Variants in GPC6 observed in about 807,000 individuals in gnomAD.
GPC6 encodes glypican-6.
GPC6 carries 14 observed loss-of-function variants against 55.2 expected under a neutral mutation model. The ratio of observed to expected loss-of-function variants is 0.25; its 90% CI spans 0.17 to 0.40. The LOEUF (loss-of-function observed/expected upper bound fraction) is 0.40, where lower values mean the gene tolerates loss of function less well. Ranked by LOEUF, GPC6 falls within the 10% of genes least tolerant of loss-of-function variation. The pLI is 1.00. For missense variants in GPC6, 641 were observed against 708.5 expected, an observed-to-expected ratio of 0.90 and a Z score of 1.08; for synonymous variants, 278 against 259.6, an observed-to-expected ratio of 1.07 and a Z score of -0.68.
intron 3 of GPC6, among the ~76,000 whole-genome samples, chr13:93,892,713 A>C (rs1471442203): frequency 1.3e-5 from 2 of 152,038 alleles, no homozygotes; most frequent in African/African-American, 4.8e-5. Flanking sequence ...AAAAGAATTC[A>C]CTCTTCTGTA....
chr13:93,711,175 C>G (rs1227561090), intron 2 of GPC6, among the ~76,000 whole-genome samples: 3 of 151,744 alleles, frequency 2.0e-5, no homozygotes, highest in Non-Finnish European at 4.4e-5. Context: ...GAAGAGATGA[C>G]ATTAAAACTC....
At chr13:94,088,965 G>A (rs1271564679) in intron 4 of GPC6, among the ~76,000 whole-genome samples, 1 of 152,106 alleles carries the variant, frequency 6.6e-6, no homozygotes, top group East Asian at 1.9e-4. Context: ...AGATTATCGG[G>A]CATATTCGTT....
At chr13:93,744,427 G>A (rs1884315073) in intron 2 of GPC6, among the ~76,000 whole-genome samples, 1 of 150,978 alleles carries the variant, frequency 6.6e-6, no homozygotes, top group African/African-American at 2.4e-5. Context: ...CTCTTCCCAG[G>A]AAATCAAGTG....
chr13:93,669,043 A>C (rs558896313), intron 2 of GPC6, among the ~76,000 whole-genome samples: 44 of 152,324 alleles, frequency 2.9e-4, no homozygotes, highest in African/African-American at 1.0e-3. Context: ...CCCTGCCATG[A>C]GGCATAATCT....
chr13:93,405,252 T>C (rs902216770), intron 1 of GPC6, among the ~76,000 whole-genome samples: 27 of 152,238 alleles, frequency 1.8e-4, no homozygotes, highest in Admixed American at 5.2e-4. Flanking sequence ...TGGATCTATC[T>C]CCTGGCACAT....
chr13:93,836,477 C>T (rs1887735996), intron 3 of GPC6, among the ~76,000 whole-genome samples: 1 of 152,040 alleles, frequency 6.6e-6, no homozygotes. Flanking sequence ...AACACAATCA[C>T]AAAAAGGCCT....
chr13:93,495,783 G>C (rs1245337566), intron 1 of GPC6, among the ~76,000 whole-genome samples: 55 of 143,828 alleles, frequency 3.8e-4, no homozygotes, highest in Middle Eastern at 3.5e-3. Flanking sequence ...ATACCCTGCC[G>C]TGTGAGGTGT....
At chr13:93,545,485 C>T in intron 2 of GPC6, 64 bp downstream of exon 2, 2 of 1,330,602 alleles carry the variant, frequency 1.5e-6, no homozygotes, top group South Asian at 2.3e-5. Context: ...ATCTTGGTAT[C>T]ATATGAAAAA....
intron 4 of GPC6, among the ~76,000 whole-genome samples, chr13:94,040,506 G>T (rs2138738738): frequency 6.6e-6 from 1 of 151,902 alleles, no homozygotes; most frequent in Non-Finnish European, 1.5e-5. Flanking sequence ...CCTCCCTAGT[G>T]ACTTGTGTCG....
intron 1 of GPC6, among the ~76,000 whole-genome samples, chr13:93,356,487 C>T (rs1392351651): frequency 1.3e-5 from 2 of 152,186 alleles, no homozygotes; most frequent in African/African-American, 2.4e-5. Flanking sequence ...GGCAAGGTTC[C>T]TCATTTGATT....
intron 4 of GPC6, among the ~76,000 whole-genome samples, chr13:94,101,432 C>A (rs1218341512): frequency 6.6e-6 from 1 of 152,154 alleles, no homozygotes; most frequent in Non-Finnish European, 1.5e-5. Flanking sequence ...ATCTGTAAGC[C>A]ATCTGAAGTC....
At chr13:94,310,600 C>A (rs756680839) in intron 6 of GPC6, among the ~76,000 whole-genome samples, 2 of 152,124 alleles carry the variant, frequency 1.3e-5, no homozygotes, top group Non-Finnish European at 2.9e-5. Flanking sequence ...CTCTCATTCC[C>A]ATTTGTCTTT....
intron 6 of GPC6, among the ~76,000 whole-genome samples, chr13:94,323,645 C>T (rs1876961788): frequency 6.6e-6 from 1 of 152,020 alleles, no homozygotes; most frequent in Non-Finnish European, 1.5e-5. Flanking sequence ...ATACAATGTA[C>T]AATATTCATG....
chr13:94,072,894 C>G (rs926662323), intron 4 of GPC6, among the ~76,000 whole-genome samples: 1 of 151,834 alleles, frequency 6.6e-6, no homozygotes, highest in Non-Finnish European at 1.5e-5. Context: ...GGCACTTGGA[C>G]AATATGTGGG....
intron 4 of GPC6, among the ~76,000 whole-genome samples, chr13:94,236,426 T>A (rs996596813): frequency 6.6e-6 from 1 of 152,088 alleles, no homozygotes; most frequent in African/African-American, 2.4e-5. Context: ...AAGAATTGTG[T>A]TAAGAGACAG....
intron 3 of GPC6, among the ~76,000 whole-genome samples, chr13:93,892,393 T>C (rs1038226727): frequency 6.6e-6 from 1 of 152,208 alleles, no homozygotes; most frequent in African/African-American, 2.4e-5. Context: ...TTCTAAATAC[T>C]ATTCAGTGAG....
rs533753344 is a variant in GPC6, at chr13:93,681,593, T to G, written c.319+136172T>G. 2.7e-4 allele frequency among the ~76,000 whole-genome samples: 41 copies of G among 152,294 alleles called. 1 individual carries two copies. The highest frequency in any genetic ancestry group is 1.2e-3 in the Admixed American group (19 of 15,304). On this transcript the variant is annotated intron_variant, in intron 2 of 8. Coordinates refer to ENST00000377047, the MANE Select transcript of GPC6 (RefSeq NM_005708.5). Reference sequence around the variant, plus strand: ...GGTGGACTAAATTCATATTTCTATGTTACCTAGAGTGGTTAAACATGTTTC... The same window carrying G: ...GGTGGACTAAATTCATATTTCTATGGTACCTAGAGTGGTTAAACATGTTTC...
At chr13:94,187,238 C>G (rs1376766516) in intron 4 of GPC6, 1 of 152,092 alleles carries the variant, frequency 6.6e-6, no homozygotes, top group Non-Finnish European at 1.5e-5. Flanking sequence ...AACTGAGGCT[C>G]GTATGTTTTA....
At chr13:93,412,600 T>C (rs1876548794) in intron 1 of GPC6, among the ~76,000 whole-genome samples, 1 of 152,160 alleles carries the variant, frequency 6.6e-6, no homozygotes, top group Admixed American at 6.5e-5. Context: ...AAAGTTGCAG[T>C]GGGCAGAGAT....
Sources: gnomAD v4.1 joint callset for allele counts (sites outside exome capture counted in the v4.1 genomes callset) on GRCh38, gnomAD v4.1.1 for gene constraint, MANE v1.5 for transcripts, NCBI Gene and HGNC (gene_info 2026-07-23, HGNC 2026-07-21) for gene names.